CACNA2D3: variants seen among roughly 807,000 people sequenced by gnomAD.
The protein encoded by CACNA2D3 is calcium voltage-gated channel auxiliary subunit alpha2delta 3.
In CACNA2D3, 60 loss-of-function variants were observed where a neutral mutation model predicts 160.6. The observed-to-expected ratio is 0.37, with a 90% CI of 0.30 to 0.46. The LOEUF (loss-of-function observed/expected upper bound fraction) is 0.46. Ranked by LOEUF, CACNA2D3 falls within the 20% of genes least tolerant of loss-of-function variation. The pLI, the probability that CACNA2D3 is intolerant of heterozygous loss-of-function variation, is 1.00. For synonymous variants in CACNA2D3, 558 were observed against 492.9 expected, an observed-to-expected ratio of 1.13 and a Z score of -1.75; for missense variants, 1,205 against 1,365.0, an observed-to-expected ratio of 0.88 and a Z score of 1.85.
At chr3:54,469,071 C>T (rs894088870) in intron 4 of CACNA2D3, among the ~76,000 whole-genome samples, 8 of 152,324 alleles carry the variant, frequency 5.3e-5, no homozygotes, top group African/African-American at 1.7e-4. Flanking sequence ...AGTGCTTGAG[C>T]TCTGCTAAGG....
chr3:54,987,885 A>C (rs376172732), intron 31 of CACNA2D3, 132 bp downstream of exon 31: 2 of 607,100 alleles, frequency 3.3e-6, no homozygotes, highest in Non-Finnish European at 2.9e-6. Flanking sequence ...GCTCCAAAAG[A>C]TCTCTCTGAA....
chr3:55,001,284 G>C (rs191568387), intron 31 of CACNA2D3, among the ~76,000 whole-genome samples: 3 of 152,172 alleles, frequency 2.0e-5, no homozygotes, highest in Non-Finnish European at 2.9e-5. Context: ...TAAGAAAACC[G>C]GGAGCCTTGT....
intron 3 of CACNA2D3, among the ~76,000 whole-genome samples, chr3:54,337,046 T>C (rs964985055): frequency 6.6e-6 from 1 of 152,064 alleles, no homozygotes; most frequent in Non-Finnish European, 1.5e-5. Flanking sequence ...TAGCTCAAGT[T>C]TCTGTATATA....
chr3:54,325,010 G>C (rs531582299), intron 3 of CACNA2D3, among the ~76,000 whole-genome samples: 1 of 152,300 alleles, frequency 6.6e-6, no homozygotes, highest in East Asian at 1.9e-4. Context: ...TTTGAGGGGA[G>C]GGAGAAGGCA....
intron 4 of CACNA2D3, among the ~76,000 whole-genome samples, chr3:54,410,708 C>G (rs1559474047): frequency 6.6e-6 from 1 of 152,132 alleles, no homozygotes; most frequent in African/African-American, 2.4e-5. Flanking sequence ...TGGGGATGTA[C>G]AAAGAGATTA....
chr3:54,689,343 CA>C (rs1292731394), intron 11 of CACNA2D3, among the ~76,000 whole-genome samples: 2 of 152,264 alleles, frequency 1.3e-5, no homozygotes, highest in South Asian at 4.1e-4. Flanking sequence ...CCTCTATCCA[CA>C]TTTATTCCCA....
At chr3:54,945,253 A>C (rs1310032778) in intron 27 of CACNA2D3, among the ~76,000 whole-genome samples, 1 of 152,180 alleles carries the variant, frequency 6.6e-6, no homozygotes. Flanking sequence ...AGCAGAATAC[A>C]TGGTGTTGAT....
At chr3:54,497,715 TATA>T (rs1217570024) in intron 4 of CACNA2D3, among the ~76,000 whole-genome samples, 1 of 152,062 alleles carries the variant, frequency 6.6e-6, no homozygotes, top group African/African-American at 2.4e-5. Flanking sequence ...TCTTCATCAA[TATA>T]ATGTCAGATA....
At chr3:54,503,392 C>A in intron 4 of CACNA2D3, 100 bp from the exon 5 acceptor site, 2 of 1,004,230 alleles carry the variant, frequency 2.0e-6, no homozygotes, top group Admixed American at 2.0e-5. Context: ...GATCAGGGTC[C>A]ACAGTGTAAG....
chr3:54,229,295 C>A (rs984207359), intron 2 of CACNA2D3, among the ~76,000 whole-genome samples: 1 of 152,022 alleles, frequency 6.6e-6, no homozygotes, highest in African/African-American at 2.4e-5. Context: ...GGATTCATGC[C>A]ATTCTCCTGC....
At chr3:54,172,236 ATTTGATTTGG>A (rs1700587642) in intron 2 of CACNA2D3, among the ~76,000 whole-genome samples, 1 of 152,140 alleles carries the variant, frequency 6.6e-6, no homozygotes, top group African/African-American at 2.4e-5. Flanking sequence ...AAAGGTGTTC[ATTTGATTTGG>A]CAGAAAACGT....
At chr3:54,837,110 T>G in intron 14 of CACNA2D3, 49 bp from the exon 15 acceptor site, 1 of 1,541,732 alleles carries the variant, frequency 6.5e-7, no homozygotes, top group South Asian at 1.1e-5. Context: ...CCTCCAGAAC[T>G]GTGGTTTCCA....
At chr3:54,815,052 G>A (rs918677441) in intron 13 of CACNA2D3, among the ~76,000 whole-genome samples, 3 of 152,144 alleles carry the variant, frequency 2.0e-5, no homozygotes, top group African/African-American at 7.2e-5. Context: ...GTGAAAAGAT[G>A]TTTAATATTT....
At position 54,290,134 on chromosome 3, in the gene CACNA2D3, G is replaced by C. The variant is rs564632381; in HGVS notation, c.205-30308G>C. ...GAGTGAACAGGCAACCTACAAAATG[G>C]GAGAAAATTTTCGCAACCTACTTAT... On this transcript the variant is annotated intron_variant, in intron 2 of 37. Coordinates refer to ENST00000474759, the MANE Select transcript of CACNA2D3 (RefSeq NM_018398.3). Among the ~76,000 whole-genome samples, 10 of 152,004 alleles carry C rather than the reference G, an allele frequency of 6.6e-5. No homozygotes were observed. In the East Asian group the frequency reaches 1.4e-3, roughly 21 times the overall value.
chr3:54,984,662 T>C lies in CACNA2D3; in HGVS notation c.2611T>C (p.Tyr871His). 6.4e-7 allele frequency: 1 copy of C among 1,560,260 alleles called. No homozygotes were observed. Among genetic ancestry groups the C allele is most frequent in the Non-Finnish European group, 8.7e-7 (1 of 1,146,846 alleles). ...NNGFILVSED[Y>H]TQTGDFFGEI... ...TGGATTTATTTTGGTGTCTGAAGAC[T>C]ACACACAGGTGAGTGAAAATTTTCT... is the stretch of plus-strand genomic sequence containing the variant. The change falls in exon 30 of 38, where the codon TAC becomes CAC. Residue 871 changes from tyrosine (Y) to histidine (H), a missense_variant. This residue lies in a region of CACNA2D3 where 911 missense variants were observed against 1,002.2 expected (regional missense o/e 0.91). Coordinates refer to ENST00000474759, the MANE Select transcript of CACNA2D3 (RefSeq NM_018398.3).
intron 3 of CACNA2D3, among the ~76,000 whole-genome samples, chr3:54,350,974 T>TTTTG (rs1698545390): frequency 2.2e-5 from 1 of 45,002 alleles, no homozygotes; most frequent in Non-Finnish European, 4.8e-5. Context: ...GTCTGTTTTT[T>TTTTG]TTTTTTTGTT....
At chr3:55,021,309 C>T (rs1703438686) in intron 35 of CACNA2D3, among the ~76,000 whole-genome samples, 2 of 151,810 alleles carry the variant, frequency 1.3e-5, no homozygotes, top group Non-Finnish European at 2.9e-5. Flanking sequence ...ATAGTGTTTT[C>T]TTTTGATTAA....
chr3:54,654,546 C>T (rs146916005), intron 11 of CACNA2D3, among the ~76,000 whole-genome samples: 49 of 152,064 alleles, frequency 3.2e-4, no homozygotes, highest in African/African-American at 8.7e-4. Flanking sequence ...CTCAATAGTT[C>T]GTATGGGAGG....
intron 12 of CACNA2D3, among the ~76,000 whole-genome samples, chr3:54,762,505 C>T (rs919233382): frequency 2.6e-5 from 4 of 152,180 alleles, no homozygotes; most frequent in African/African-American, 7.2e-5. Context: ...TCAGAACTGC[C>T]AGGCCCCAGG....
Sources: gnomAD v4.1 joint callset for allele counts (sites outside exome capture counted in the v4.1 genomes callset) on GRCh38, gnomAD v4.1.1 for gene constraint, gnomAD v4.1.1 regional missense constraint, MANE v1.5 for transcripts, NCBI Gene and HGNC (gene_info 2026-07-23, HGNC 2026-07-21) for gene names.